NPEPPS: variants seen among roughly 807,000 people sequenced by gnomAD.
NPEPPS encodes the protein aminopeptidase puromycin sensitive.
In NPEPPS, 14 loss-of-function variants were observed where a neutral mutation model predicts 115.5. That is an observed-to-expected ratio of 0.12 (90% CI 0.08 to 0.19). The LOEUF (loss-of-function observed/expected upper bound fraction) is 0.19. Among genes scored for constraint, NPEPPS ranks in the 10% least tolerant of loss-of-function variants. The pLI is 1.00. For missense variants in NPEPPS, 523 were observed against 1,110.8 expected, an observed-to-expected ratio of 0.47 and a Z score of 7.52; for synonymous variants, 285 against 390.6, an observed-to-expected ratio of 0.73 and a Z score of 3.19.
At chr17:47,591,901 C>T (rs1156679423) in intron 10 of NPEPPS, 55 bp from the exon 11 acceptor site, 5 of 642,802 alleles carry the variant, frequency 7.8e-6, no homozygotes, top group Non-Finnish European at 1.4e-5. Flanking sequence ...TTATGTAATT[C>T]AGTATTACAG....
chr17:47,524,304 T>C (rs918969983), intron 1 of NPEPPS, among the ~76,000 whole-genome samples: 21 of 123,706 alleles, frequency 1.7e-4, no homozygotes, highest in African/African-American at 5.6e-4. Flanking sequence ...AGCAAAACTT[T>C]GTCTCAAAAA....
chr17:47,565,858 A>C lies in NPEPPS; in HGVS notation c.341-3559A>C, dbSNP rs549768204. 2.4e-3 allele frequency among the ~76,000 whole-genome samples: 358 copies of C among 152,212 alleles called. 3 individuals carry two copies. The highest frequency in any genetic ancestry group is 8.5e-3 in the African/African-American group (353 of 41,528). ...AGTGATTTGAGCAGAGGCCTGAATG[A>C]CATAAAGTGTTTAGATATCTGGAGA... On this transcript the variant is annotated intron_variant, in intron 2 of 22. Transcript: ENST00000322157.
At chr17:47,577,386 G>A (rs1032314000) in intron 3 of NPEPPS, among the ~76,000 whole-genome samples, 9 of 151,802 alleles carry the variant, frequency 5.9e-5, no homozygotes, top group African/African-American at 1.5e-4. Flanking sequence ...TCTGTTAGAC[G>A]TTCTTTGCAA....
intron 1 of NPEPPS, among the ~76,000 whole-genome samples, chr17:47,536,684 C>T (rs530951217): frequency 1.8e-3 from 264 of 145,160 alleles, no homozygotes; most frequent in African/African-American, 6.3e-3. Context: ...CGTGAGCCAC[C>T]GAGCCACCGT....
At chr17:47,527,705 A>G (rs1177152216), upstream of NPEPPS, among the ~76,000 whole-genome samples, 1 of 151,786 alleles carries the variant, frequency 6.6e-6, no homozygotes, top group African/African-American at 2.4e-5. Context: ...TAAAAATACA[A>G]AAATTAAAAA....
intron 2 of NPEPPS, among the ~76,000 whole-genome samples, chr17:47,567,731 T>C (rs1211381166): frequency 6.6e-6 from 1 of 152,190 alleles, no homozygotes; most frequent in East Asian, 1.9e-4. Flanking sequence ...CAACTATGAA[T>C]CTACTTTCAG....
At chr17:47,531,702 C>A in intron 1 of NPEPPS, 147 bp downstream of exon 1, 1 of 1,050,958 alleles carries the variant, frequency 9.5e-7, no homozygotes, top group Non-Finnish European at 1.2e-6. Flanking sequence ...GCGTGCTCTG[C>A]CTTGCTCTGT....
intron 2 of NPEPPS, among the ~76,000 whole-genome samples, chr17:47,549,044 A>G (rs1266431558): frequency 1.3e-5 from 2 of 152,062 alleles, no homozygotes; most frequent in Non-Finnish European, 2.9e-5. Context: ...ATTATTTTAG[A>G]TACATAATAT....
chr17:47,563,927 A>G (rs538888421), intron 2 of NPEPPS, among the ~76,000 whole-genome samples: 86 of 150,962 alleles, frequency 5.7e-4, no homozygotes, highest in Non-Finnish European at 1.0e-3. Context: ...ATATAAGAGT[A>G]TATTATATAA....
Position 47,582,693 on chromosome 17 carries a change from C to T in NPEPPS, c.541-49C>T, listed in dbSNP as rs1473517195. ...AAATGGTGACTGCTTTATGAAATAA[C>T]TTGTTAGGTTAATTCTAAGGTATTT... On this transcript the variant is annotated intron_variant, in intron 4 of 22. Coordinates refer to ENST00000322157, the MANE Select transcript of NPEPPS (RefSeq NM_006310.4). 20 of 834,754 alleles carry T rather than the reference C, an allele frequency of 2.4e-5. No individual in the cohort carries two copies. In the East Asian group the frequency reaches 5.1e-4, roughly 21 times the overall value. The allele number at this position is 834,754 out of a possible 1,614,324, so 51.7% of individuals were successfully genotyped here. A position where few individuals can be genotyped will look rare whatever the true frequency, so the allele number is the denominator to read the frequency against.
chr17:47,548,498 G>A (rs1909395181), intron 2 of NPEPPS, among the ~76,000 whole-genome samples: 1 of 151,278 alleles, frequency 6.6e-6, no homozygotes, highest in South Asian at 2.1e-4. Flanking sequence ...ATATAAATGT[G>A]TACCTTCCAG....
chr17:47,533,675 CAT>C (rs1466896061), intron 1 of NPEPPS, among the ~76,000 whole-genome samples: 1 of 152,024 alleles, frequency 6.6e-6, no homozygotes, highest in Non-Finnish European at 1.5e-5. Context: ...CAAGCAGTGA[CAT>C]GTTTCTCCTT....
At chr17:47,603,129 A>G (rs545396776) in intron 15 of NPEPPS, among the ~76,000 whole-genome samples, 5 of 152,230 alleles carry the variant, frequency 3.3e-5, no homozygotes, top group Admixed American at 6.5e-5. Flanking sequence ...ATAGAGAATA[A>G]TGCAGTTGCC....
intron 9 of NPEPPS, among the ~76,000 whole-genome samples, chr17:47,588,241 A>AT (rs1912305084): frequency 1.3e-5 from 2 of 152,290 alleles, no homozygotes; most frequent in Non-Finnish European, 2.9e-5. Flanking sequence ...GATGTTTAAA[A>AT]TTTTACAGGT....
rs944854662 is a variant in NPEPPS at position 47,541,378 on chromosome 17, A to AT, written c.256-4516dup. 1.4e-3 allele frequency among the ~76,000 whole-genome samples: 198 copies of AT among 143,442 alleles called. 1 individual carries two copies. The highest frequency in any genetic ancestry group is 1.5e-3 in the Non-Finnish European group (95 of 65,038). The allele number at this position is 143,442 out of a possible 152,430, so 94.1% of individuals were successfully genotyped here. ...AGTGCTTCATTTCTTTGTGTTTCTG[A>AT]TTTTTTTTTTTTTTTAAGATGGAGT... On this transcript the variant is annotated intron_variant, in intron 1 of 22. Coordinates refer to ENST00000322157, the MANE Select transcript of NPEPPS (RefSeq NM_006310.4).
At chr17:47,529,737 TTATATATATA>T (rs56043348), upstream of NPEPPS, among the ~76,000 whole-genome samples, 198 of 25,560 alleles carry the variant, frequency 7.7e-3, 12 homozygotes, top group African/African-American at 0.014. Flanking sequence ...TTCAGTTACA[TTATATATATA>T]TATATATATA....
At chr17:47,586,638 C>T (rs1912200144) in intron 8 of NPEPPS, 7 of 584,938 alleles carry the variant, frequency 1.2e-5, no homozygotes, top group Non-Finnish European at 2.2e-5. Flanking sequence ...TAGATATATT[C>T]TTGGCTAAGT....
chr17:47,591,226 C>G (rs1912484891), intron 10 of NPEPPS, among the ~76,000 whole-genome samples: 1 of 151,874 alleles, frequency 6.6e-6, no homozygotes, highest in Non-Finnish European at 1.5e-5. Context: ...ACAAAATTAG[C>G]TGGGCACGGT....
chr17:47,568,906 C>T (rs1216387068), intron 2 of NPEPPS, among the ~76,000 whole-genome samples: 5 of 151,392 alleles, frequency 3.3e-5, no homozygotes, highest in Non-Finnish European at 5.9e-5. Flanking sequence ...CCGCCTGCCT[C>T]GGCCTCCCAA....
Sources: gnomAD v4.1 joint callset for allele counts (sites outside exome capture counted in the v4.1 genomes callset) on GRCh38, gnomAD v4.1.1 for gene constraint, MANE v1.5 for transcripts, NCBI Gene and HGNC (gene_info 2026-07-23, HGNC 2026-07-21) for gene names.